Variants in CCDC146 observed in about 807,000 individuals in gnomAD.
CCDC146 encodes the protein coiled-coil domain containing 146.
CCDC146 carries 92 observed loss-of-function variants against 119.3 expected under a neutral mutation model. The observed-to-expected ratio is 0.77, with a 90% confidence interval of 0.65 to 0.92. CCDC146 has a LOEUF of 0.92. Among genes scored for constraint, CCDC146 ranks in the 40% least tolerant of loss-of-function variants. The probability of loss-of-function intolerance (pLI) is 0.00; values close to 1 mark genes in which losing one functional copy is unlikely to be tolerated. For synonymous variants in CCDC146, 372 were observed against 371.8 expected (o/e 1.00, Z -0.01); for missense variants, 1,000 against 1,103.0 (o/e 0.91, Z 1.32).
At chr7:77,291,911 A>G (rs1336801171) in intron 17 of CCDC146, among the ~76,000 whole-genome samples, 2 of 152,244 alleles carry the variant, frequency 1.3e-5, no homozygotes, top group African/African-American at 2.4e-5. Flanking sequence ...ATTATCTTAT[A>G]TAAGCAAAGA....
At chr7:77,170,192 G>A (rs1270193924) in intron 2 of CCDC146, among the ~76,000 whole-genome samples, 2 of 152,096 alleles carry the variant, frequency 1.3e-5, no homozygotes, top group African/African-American at 4.8e-5. Flanking sequence ...TGTGTGCTCA[G>A]TGTATAGCTC....
At chr7:77,171,287 TG>T (rs916961317) in intron 2 of CCDC146, among the ~76,000 whole-genome samples, 3 of 152,198 alleles carry the variant, frequency 2.0e-5, no homozygotes, top group Non-Finnish European at 4.4e-5. Context: ...ATAGCCCACT[TG>T]TTTCTCATCC....
At chr7:77,243,803 GA>G (rs1792894260) in intron 4 of CCDC146, among the ~76,000 whole-genome samples, 1 of 152,202 alleles carries the variant, frequency 6.6e-6, no homozygotes, top group Non-Finnish European at 1.5e-5. Context: ...TGTGGAGGCA[GA>G]AAATAATGAC....
At chr7:77,157,479 T>C (rs1047849568) in intron 1 of CCDC146, among the ~76,000 whole-genome samples, 3 of 151,914 alleles carry the variant, frequency 2.0e-5, no homozygotes, top group Admixed American at 6.6e-5. Flanking sequence ...TAATTCAAAA[T>C]CAAAACAAAA....
intron 18 of CCDC146, 22 bp from the exon 19 acceptor site, chr7:77,294,641 A>G (rs762776533): frequency 6.2e-7 from 1 of 1,612,842 alleles, no homozygotes; most frequent in South Asian, 1.1e-5. Flanking sequence ...GAGAACTGAA[A>G]AGGAAAAATC....
At chr7:77,248,272 G>T (rs1042822974) in intron 4 of CCDC146, among the ~76,000 whole-genome samples, 5 of 152,154 alleles carry the variant, frequency 3.3e-5, no homozygotes, top group African/African-American at 1.2e-4. Context: ...GACTTAGAAG[G>T]GTGGGAGGAC....
intron 1 of CCDC146, among the ~76,000 whole-genome samples, chr7:77,164,304 T>G (rs1425861885): frequency 6.6e-6 from 1 of 152,152 alleles, no homozygotes; most frequent in Non-Finnish European, 1.5e-5. Flanking sequence ...AAAACAAATT[T>G]AAATATATAG....
intron 1 of CCDC146, among the ~76,000 whole-genome samples, chr7:77,124,733 G>A (rs941568900): frequency 2.0e-4 from 30 of 152,300 alleles, no homozygotes; most frequent in African/African-American, 6.7e-4. Flanking sequence ...TCTGGTAGGA[G>A]TGTTAAGTTA....
intron 2 of CCDC146, among the ~76,000 whole-genome samples, chr7:77,182,243 A>C (rs1026215585): frequency 6.6e-6 from 1 of 152,120 alleles, no homozygotes; most frequent in African/African-American, 2.4e-5. Flanking sequence ...GAAAGAAAAA[A>C]CCCTGATCAT....
chr7:77,123,660 C>T (rs952901413), intron 1 of CCDC146, among the ~76,000 whole-genome samples: 10 of 152,118 alleles, frequency 6.6e-5, no homozygotes, highest in African/African-American at 2.2e-4. Flanking sequence ...AATTGAAGCC[C>T]TTACCCAAGT....
In CCDC146 at chr7:77,251,447, T is replaced by A. The variant is rs549455825; in HGVS notation, c.450-3059T>A. The stretch of plus-strand genomic sequence containing the variant: ...ATAGTTGTTTTAAATTCCTGATAAT[T>A]CACACATCCCTGCCATATCTGGTTC... On this transcript the variant is annotated intron_variant, in intron 4 of 18. Transcript: ENST00000285871. Among the ~76,000 whole-genome samples the A allele has an allele frequency of 1.1e-4, 17 of 152,338 alleles. No homozygotes were observed. The South Asian group carries it at 3.5e-3, about 32-fold the overall frequency.
intron 2 of CCDC146, among the ~76,000 whole-genome samples, chr7:77,191,109 TG>T (rs1422205930): frequency 6.6e-6 from 1 of 152,182 alleles, no homozygotes; most frequent in Non-Finnish European, 1.5e-5. Flanking sequence ...GATAGGTTCT[TG>T]GAAACAGCAA....
chr7:77,207,269 T>C (rs1792097974), intron 2 of CCDC146, among the ~76,000 whole-genome samples: 1 of 152,212 alleles, frequency 6.6e-6, no homozygotes, highest in South Asian at 2.1e-4. Flanking sequence ...TCTAGTTTGA[T>C]ATTTTGTATG....
intron 1 of CCDC146, among the ~76,000 whole-genome samples, chr7:77,157,235 A>G (rs1470164320): frequency 9.2e-6 from 1 of 109,136 alleles, no homozygotes; most frequent in East Asian, 2.3e-4. Context: ...AGAGAAATAA[A>G]TCATGTTCAA....
chr7:77,205,906 A>T (rs1327262016), intron 2 of CCDC146, among the ~76,000 whole-genome samples: 2 of 152,226 alleles, frequency 1.3e-5, no homozygotes, highest in African/African-American at 2.4e-5. Context: ...AAACAGCGAA[A>T]TCACCAAGAA....
At chr7:77,205,264 A>G (rs1233885034) in intron 2 of CCDC146, among the ~76,000 whole-genome samples, 1 of 152,210 alleles carries the variant, frequency 6.6e-6, no homozygotes, top group African/African-American at 2.4e-5. Context: ...TTAGGTTTCT[A>G]AGAGCCTCTG....
At chr7:77,134,325 A>G (rs1202491175) in intron 1 of CCDC146, among the ~76,000 whole-genome samples, 2 of 152,300 alleles carry the variant, frequency 1.3e-5, no homozygotes, top group Admixed American at 1.3e-4. Flanking sequence ...GCTAAAAAGG[A>G]GAGAAAATTG....
chr7:77,264,748 C>A (rs1793368446), intron 9 of CCDC146, among the ~76,000 whole-genome samples: 1 of 152,178 alleles, frequency 6.6e-6, no homozygotes, highest in South Asian at 2.1e-4. Context: ...TTCTCTGTAT[C>A]CCATCCGCTT....
chr7:77,146,995 T>C (rs912478839), intron 1 of CCDC146, among the ~76,000 whole-genome samples: 1 of 152,222 alleles, frequency 6.6e-6, no homozygotes, highest in Non-Finnish European at 1.5e-5. Flanking sequence ...GAAAATATCC[T>C]GCAGAGTGTT....
Sources: allele counts gnomAD v4.1 joint callset (sites outside exome capture counted in the v4.1 genomes callset), GRCh38; gene constraint gnomAD v4.1.1; transcripts MANE v1.5; gene names NCBI Gene and HGNC (gene_info 2026-07-23, HGNC 2026-07-21).